Variants in SSH2 observed in about 807,000 individuals in gnomAD.
The protein encoded by SSH2 is protein phosphatase Slingshot homolog 2.
In SSH2, 37 loss-of-function variants were observed where a neutral mutation model predicts 135.2. That is an observed-to-expected ratio of 0.27 (90% confidence interval 0.21 to 0.36). The LOEUF (loss-of-function observed/expected upper bound fraction) is 0.36, where lower values mean the gene tolerates loss of function less well. Ranked by LOEUF, SSH2 falls within the 10% of genes least tolerant of loss-of-function variation. The pLI, the probability that SSH2 is intolerant of heterozygous loss-of-function variation, is 1.00. For synonymous variants in SSH2, 628 were observed against 646.2 expected (o/e 0.97, Z 0.43); for missense variants, 1,408 against 1,765.3 (o/e 0.80, Z 3.63).
chr17:29,905,248 C>A (rs573705509), intron 1 of SSH2, among the ~76,000 whole-genome samples: 5 of 152,298 alleles, frequency 3.3e-5, no homozygotes, highest in African/African-American at 1.2e-4. Flanking sequence ...AACTATACTA[C>A]AAGGCTACAG....
chr17:29,677,738 G>A lies in SSH2; in HGVS notation c.483C>T (p.Ser161=). The change falls in exon 7 of 16, where the codon AGC becomes AGT. Residue 161 remains serine, a synonymous_variant. Transcript: ENST00000540801. ...GCAAAACTAAGCCCATGGTACAAGT[G>A]CTACTGCAAGACAAGAAGTAGTCCA... ...LGMDFSSNDS[S]TCTMGLVLPL... 1.2e-6 allele frequency: 2 copies of A among 1,613,504 alleles called. No individual in the cohort carries two copies. Among genetic ancestry groups the A allele is most frequent in the East Asian group, 2.2e-5 (1 of 44,880 alleles).
At chr17:29,814,960 T>A (rs1162293546) in intron 2 of SSH2, among the ~76,000 whole-genome samples, 3 of 150,546 alleles carry the variant, frequency 2.0e-5, no homozygotes, top group East Asian at 3.9e-4. Context: ...TTTTTTTTTT[T>A]TTTTTGAGAT....
intron 5 of SSH2, among the ~76,000 whole-genome samples, chr17:29,685,080 C>A (rs1166788277): frequency 6.6e-6 from 1 of 152,088 alleles, no homozygotes; most frequent in Non-Finnish European, 1.5e-5. Flanking sequence ...AGATGCAATT[C>A]CCACAAACAA....
rs1273907636 is a variant in SSH2 at position 29,636,732 on chromosome 17, A to G, written c.1498T>C (p.Cys500Arg). 1 of 1,614,072 alleles carries G rather than the reference A, an allele frequency of 6.2e-7. No individual in the cohort carries two copies. The highest frequency in any genetic ancestry group is 1.1e-5 in the South Asian group (1 of 91,062). ...TTGTTGAGTTCTAGCCCAGGTTTGC[A>G]GATGGGTTCGTGGTGGTCTGAGAGG... ...SDLSDHHEPI[C>R]KPGLELNKKD... Residue 500 changes from cysteine (C) to arginine (R), a missense_variant, in exon 15 of 16, where the codon TGC (cysteine) becomes CGC (arginine). Transcript: ENST00000540801.
At chr17:29,711,716 T>A (rs1488010706) in intron 3 of SSH2, among the ~76,000 whole-genome samples, 2 of 152,188 alleles carry the variant, frequency 1.3e-5, no homozygotes, top group Admixed American at 1.3e-4. Flanking sequence ...GTGGCTTACA[T>A]CTGGCAGTTG....
intron 4 of SSH2, among the ~76,000 whole-genome samples, chr17:29,697,286 T>C (rs2038797395): frequency 2.0e-5 from 3 of 152,202 alleles, no homozygotes; most frequent in South Asian, 2.1e-4. Context: ...GTGACTGACA[T>C]AGTCACATAA....
intron 3 of SSH2, among the ~76,000 whole-genome samples, chr17:29,732,787 C>A (rs759747532): frequency 3.9e-5 from 6 of 152,110 alleles, no homozygotes; most frequent in Non-Finnish European, 7.4e-5. Flanking sequence ...TCCTTGGAAA[C>A]CAACAGAACA....
At chr17:29,913,030 A>G (rs1266243516) in intron 1 of SSH2, among the ~76,000 whole-genome samples, 1 of 151,408 alleles carries the variant, frequency 6.6e-6, no homozygotes, top group Non-Finnish European at 1.5e-5. Context: ...TTAAAAAAAA[A>G]TCTCCAGCCA....
intron 3 of SSH2, among the ~76,000 whole-genome samples, chr17:29,754,374 TTACTAA>T (rs970838577): frequency 2.6e-5 from 4 of 152,160 alleles, no homozygotes; most frequent in African/African-American, 9.7e-5. Flanking sequence ...ATTAGTACTA[TTACTAA>T]TACAAAAAAT....
intron 2 of SSH2, among the ~76,000 whole-genome samples, chr17:29,800,516 C>G (rs1199262134): frequency 6.6e-6 from 1 of 152,138 alleles, no homozygotes; most frequent in Non-Finnish European, 1.5e-5. Context: ...AAATGCCAGT[C>G]AATCTCTTCA....
intron 2 of SSH2, among the ~76,000 whole-genome samples, chr17:29,839,488 A>G (rs2043002599): frequency 6.6e-6 from 1 of 152,236 alleles, no homozygotes. Flanking sequence ...TGTACTTCCA[A>G]TAACAGTGTA....
chr17:29,800,966 A>G (rs866956770), intron 2 of SSH2, among the ~76,000 whole-genome samples: 1 of 151,624 alleles, frequency 6.6e-6, no homozygotes, highest in Non-Finnish European at 1.5e-5. Flanking sequence ...CCTGGGTTCA[A>G]GCGATTCTCA....
intron 3 of SSH2, among the ~76,000 whole-genome samples, chr17:29,714,259 A>C (rs1184787321): frequency 6.6e-6 from 1 of 152,112 alleles, no homozygotes; most frequent in Non-Finnish European, 1.5e-5. Flanking sequence ...CCAAGTTTAA[A>C]ATAGGTGGGA....
At position 29,929,875 on chromosome 17, in the gene SSH2, C is replaced by T. The variant is rs901171311; in HGVS notation, c.63+63G>A. 7.4e-6 allele frequency: 11 copies of T among 1,479,934 alleles called. No homozygotes were observed. In the African/African-American group the frequency reaches 1.5e-4, roughly 21 times the overall value. 91.7% of individuals were successfully genotyped at this position (1,479,934 alleles called of 1,614,324 possible). On this transcript the variant is annotated intron_variant, in intron 1 of 15. Coordinates refer to ENST00000540801, the MANE Select transcript of SSH2 (RefSeq NM_001282129.2). Reference sequence around the variant, plus strand: ...GTGCGCAGTGGCGTTCGGCGGGACCCGCTGAGGCAAAGCGGAGCCGCAGTG... The same window carrying T: ...GTGCGCAGTGGCGTTCGGCGGGACCTGCTGAGGCAAAGCGGAGCCGCAGTG...
chr17:29,650,800 C>T lies in SSH2; in HGVS notation c.1080G>A (p.Gly360=), dbSNP rs1567844590. 2 of 1,599,012 alleles carry T rather than the reference C, an allele frequency of 1.3e-6. No homozygotes were observed. Among genetic ancestry groups the T allele is most frequent in the Non-Finnish European group, 1.7e-6 (2 of 1,172,126 alleles). The part of the protein sequence containing the change: ...ASNLEDLQNR[G]VRYILNVTRE... ...GAGTGACATTCAAGATATACCGTAC[C>T]CTGCAAGGAAACCAAGGGAGAATAT... The change falls in exon 13 of 16, where the codon GGG becomes GGA. Residue 360 remains glycine, a splice_region_variant and synonymous_variant. Coordinates refer to ENST00000540801, the MANE Select transcript of SSH2 (RefSeq NM_001282129.2).
At chr17:29,895,288 TATAC>T (rs2066429050) in intron 1 of SSH2, among the ~76,000 whole-genome samples, 1 of 120,478 alleles carries the variant, frequency 8.3e-6, no homozygotes, top group Non-Finnish European at 1.6e-5. Flanking sequence ...ATATTTTATA[TATAC>T]ATTTTATATA....
intron 1 of SSH2, among the ~76,000 whole-genome samples, chr17:29,905,991 T>C (rs1032211820): frequency 3.3e-5 from 5 of 152,084 alleles, no homozygotes; most frequent in Admixed American, 1.3e-4. Context: ...TCCTCTCTGA[T>C]GAGAGCTGAA....
At chr17:29,882,239 C>T (rs963538962) in intron 1 of SSH2, among the ~76,000 whole-genome samples, 3 of 152,206 alleles carry the variant, frequency 2.0e-5, no homozygotes, top group Non-Finnish European at 4.4e-5. Context: ...CTTACCAAAA[C>T]CTTTCAAAAA....
chr17:29,791,847 C>T (rs2042071024), intron 3 of SSH2, among the ~76,000 whole-genome samples: 1 of 151,626 alleles, frequency 6.6e-6, no homozygotes. Context: ...TGCAAAAACC[C>T]TCTGCTGGTC....
Sources: allele counts gnomAD v4.1 joint callset (sites outside exome capture counted in the v4.1 genomes callset), GRCh38; gene constraint gnomAD v4.1.1; transcripts MANE v1.5; gene names NCBI Gene and HGNC (gene_info 2026-07-23, HGNC 2026-07-21).